TTC7A: variants seen among roughly 807,000 people sequenced by gnomAD.
TTC7A encodes the protein tetratricopeptide repeat domain 7A, also known as tetratricopeptide repeat protein 7A.
In TTC7A, 110 loss-of-function variants were observed where a neutral mutation model predicts 103.7. The observed-to-expected ratio is 1.06, with a 90% CI of 0.91 to 1.24. The LOEUF is 1.24. Among genes scored for constraint, TTC7A ranks in the 50% most tolerant of loss-of-function variants. The probability of loss-of-function intolerance (pLI) is 0.00; values close to 1 mark genes in which losing one functional copy is unlikely to be tolerated. For missense variants in TTC7A, 1,340 were observed against 1,116.3 expected (o/e 1.20, Z -2.86); for synonymous variants, 521 against 467.9 (o/e 1.11, Z -1.47).
intron 11 of TTC7A, among the ~76,000 whole-genome samples, chr2:47,021,261 T>A (rs545381314): frequency 5.9e-5 from 9 of 152,274 alleles, no homozygotes; most frequent in African/African-American, 2.2e-4. Context: ...CCGGCCTGAC[T>A]CCTATGGGGG....
At chr2:46,916,017 T>C (rs941365244), upstream of TTC7A, 4 of 985,278 alleles carry the variant, frequency 4.1e-6, no homozygotes, top group East Asian at 1.1e-4. Flanking sequence ...TCCACTCCAG[T>C]TGGGCCGCTG....
At chr2:46,979,837 C>G (rs1472799030) in intron 5 of TTC7A, among the ~76,000 whole-genome samples, 1 of 152,146 alleles carries the variant, frequency 6.6e-6, no homozygotes, top group African/African-American at 2.4e-5. Context: ...GTCATTACAA[C>G]CTTAGACAGA....
At chr2:47,058,041 C>T (rs932190652) in intron 18 of TTC7A, among the ~76,000 whole-genome samples, 1 of 152,232 alleles carries the variant, frequency 6.6e-6, no homozygotes, top group African/African-American at 2.4e-5. Context: ...GCAGCCTGTT[C>T]AGATGCCCCA....
intron 3 of TTC7A, chr2:46,974,720 G>A (rs780420752): frequency 1.4e-5 from 8 of 583,732 alleles, no homozygotes; most frequent in African/African-American, 5.6e-5. Context: ...GAGGGGTCAG[G>A]AGTGGCTTCC....
At position 46,995,272 on chromosome 2, in the gene TTC7A, C is replaced by T. The variant is rs1676066859; in HGVS notation, c.1065+73C>T. 38 of 1,506,580 alleles carry T rather than the reference C, an allele frequency of 2.5e-5. No individual in the cohort carries two copies. In the South Asian group the frequency reaches 3.8e-4, roughly 15 times the overall value. The allele number at this position is 1,506,580 out of a possible 1,614,324, so 93.3% of individuals were successfully genotyped here. ...GGGGAAGGGCTGTGGGGCCCAGGTA[C>T]AGGCCACCCGTGACCTAGCCAAACT... is the stretch of plus-strand genomic sequence containing the variant. On this transcript the variant is annotated intron_variant, in intron 8 of 19. Transcript: ENST00000319190.
At chr2:46,936,549 C>A (rs1412215118), upstream of TTC7A, among the ~76,000 whole-genome samples, 3 of 152,200 alleles carry the variant, frequency 2.0e-5, no homozygotes, top group African/African-American at 7.2e-5. Flanking sequence ...GATACACAAG[C>A]AACTGTCAGC....
intron 2 of TTC7A, chr2:46,917,307 C>G (rs1452486659): frequency 3.1e-6 from 2 of 648,790 alleles, no homozygotes; most frequent in African/African-American, 3.7e-5. Context: ...CAAAGAATCC[C>G]TAAGTTTTGA....
intron 14 of TTC7A, among the ~76,000 whole-genome samples, chr2:47,025,696 G>A (rs1679827333): frequency 6.6e-6 from 1 of 152,130 alleles, no homozygotes; most frequent in African/African-American, 2.4e-5. Context: ...CGGCCCTGAT[G>A]TCATCCTGGC....
chr2:46,916,055 G>C, upstream of TTC7A: 1 of 985,468 alleles, frequency 1.0e-6, no homozygotes, highest in East Asian at 1.1e-4. Context: ...GCAGTTGCTA[G>C]GCAACGCCGG....
At chr2:47,047,141 G>T in intron 16 of TTC7A, 1 of 629,148 alleles carries the variant, frequency 1.6e-6, no homozygotes, top group Non-Finnish European at 2.8e-6. Context: ...AGGGAAAGTG[G>T]GCCTCCTTCA....
At chr2:47,016,603 A>G (rs1678682209) in intron 11 of TTC7A, among the ~76,000 whole-genome samples, 2 of 152,200 alleles carry the variant, frequency 1.3e-5, no homozygotes. Context: ...TGGGAGAAGG[A>G]AGGTTGAAGA....
At position 47,006,075 on chromosome 2, in the gene TTC7A, C is replaced by T; in HGVS notation, c.1203+16C>T. Reference sequence around the variant, plus strand: ...GCTCTCGGAGGTACGGCCGGCCATGCAGCCCACCCCACTCTCCGGAGTCAG... The same window carrying T: ...GCTCTCGGAGGTACGGCCGGCCATGTAGCCCACCCCACTCTCCGGAGTCAG... On this transcript the variant is annotated intron_variant, in intron 9 of 19. Transcript: ENST00000319190. 6.2e-7 allele frequency: 1 copy of T among 1,609,634 alleles called. No individual in the cohort carries two copies. The highest frequency in any genetic ancestry group is 8.5e-7 in the Non-Finnish European group (1 of 1,177,780).
intron 8 of TTC7A, among the ~76,000 whole-genome samples, chr2:47,001,040 C>G (rs949932130): frequency 6.6e-6 from 1 of 152,120 alleles, no homozygotes; most frequent in Non-Finnish European, 1.5e-5. Context: ...AGGTCCCAAC[C>G]CCCTGTCTTG....
chr2:46,963,684 T>C (rs561532505), intron 3 of TTC7A, among the ~76,000 whole-genome samples: 1 of 152,346 alleles, frequency 6.6e-6, no homozygotes, highest in Non-Finnish European at 1.5e-5. Flanking sequence ...TTATGGCCCC[T>C]TGTACTAGAA....
At chr2:46,966,029 A>T (rs542082113) in intron 3 of TTC7A, among the ~76,000 whole-genome samples, 2 of 151,914 alleles carry the variant, frequency 1.3e-5, no homozygotes, top group Admixed American at 6.6e-5. Context: ...AGCTCACCGC[A>T]ACCTCCACCT....
rs748964105 is a variant in TTC7A at position 47,060,809 on chromosome 2, T to C, written c.2193T>C (p.Gly731=). 3.1e-6 allele frequency: 5 copies of C among 1,613,012 alleles called. No homozygotes were observed. The highest frequency in any genetic ancestry group is 1.7e-5 in the Admixed American group (1 of 59,992). ...FMEQQHLKEA[G]FCIQEAAGLF... The stretch of plus-strand genomic sequence containing the variant: ...AGCAGCAGCACCTCAAGGAAGCAGG[T>C]TTCTGCATCCAGGAGGCGGCGGGCC... Residue 731 remains glycine, a synonymous_variant, in exon 19 of 20, where the codon GGT becomes GGC. Coordinates refer to ENST00000319190, the MANE Select transcript of TTC7A (RefSeq NM_020458.4).
chr2:46,999,448 T>C, intron 8 of TTC7A: 4 of 982,874 alleles, frequency 4.1e-6, no homozygotes, highest in Non-Finnish European at 4.8e-6. Context: ...CATTCATCTG[T>C]CTATCCACCC....
intron 5 of TTC7A, among the ~76,000 whole-genome samples, chr2:46,985,965 T>C (rs1674968530): frequency 6.6e-6 from 1 of 152,242 alleles, no homozygotes; most frequent in Admixed American, 6.5e-5. Context: ...GCAACGTCTC[T>C]GGCTTCCACC....
intron 5 of TTC7A, 84 bp from the exon 6 acceptor site, chr2:46,993,366 T>C (rs1428455067): frequency 7.6e-7 from 1 of 1,318,192 alleles, no homozygotes; most frequent in Non-Finnish European, 1.1e-6. Context: ...AGTCAGCTCC[T>C]CCTGGGGTCT....
Sources: gnomAD v4.1 joint callset for allele counts (sites outside exome capture counted in the v4.1 genomes callset) on GRCh38, gnomAD v4.1.1 for gene constraint, MANE v1.5 for transcripts, NCBI Gene and HGNC (gene_info 2026-07-23, HGNC 2026-07-21) for gene names.